COL1A1: variants seen among roughly 807,000 people sequenced by gnomAD.
COL1A1 encodes the protein collagen type I alpha 1 chain, also known as collagen alpha-1(I) chain.
A neutral mutation model predicts 195.7 loss-of-function variants in COL1A1; 21 were observed. The ratio of observed to expected loss-of-function variants is 0.11; its 90% confidence interval spans 0.08 to 0.15. COL1A1 has a LOEUF of 0.15. Among genes scored for constraint, COL1A1 ranks in the 10% least tolerant of loss-of-function variants. The probability of loss-of-function intolerance (pLI) is 1.00; values close to 1 mark genes in which losing one functional copy is unlikely to be tolerated. For synonymous variants in COL1A1, 749 were observed against 747.3 expected, an observed-to-expected ratio of 1.00 and a Z score of -0.04; for missense variants, 1,365 against 2,051.0, an observed-to-expected ratio of 0.67 and a Z score of 6.46.
In COL1A1 at chr17:50,188,096, G is replaced by T; in HGVS notation, c.3261C>A (p.Ala1087=). Residue 1087 remains alanine, a splice_region_variant and synonymous_variant, in exon 44 of 51, where the codon GCC becomes GCA. Coordinates refer to ENST00000225964, the MANE Select transcript of COL1A1 (RefSeq NM_000088.4). This position sits in a 1 kb window ranked among gnomAD's most constrained non-coding sequence, Gnocchi z 5.6. ...ATGGGGGACACAGCAGGGTACTTAC[G>T]GCGGGGCCACGGGCGCCAACAGGGC... The part of the protein sequence containing the change: ...PVGPVGARGP[A]GPQGPRGDKG... 6.2e-7 allele frequency: 1 copy of T among 1,602,760 alleles called. No homozygotes were observed. The highest frequency in any genetic ancestry group is 8.5e-7 in the Non-Finnish European group (1 of 1,173,874).
Position 50,198,475 on chromosome 17 carries a change from A to G in COL1A1, c.501T>C (p.Tyr167=), listed in dbSNP as rs946705319. ...AAATTCCTCCGGTTGATTTCTCATCATAGCCATAAGACAGCTGGGGAGCAA... is the reference window on the plus strand; with the variant it reads ...AAATTCCTCCGGTTGATTTCTCATCGTAGCCATAAGACAGCTGGGGAGCAA... ...GNFAPQLSYG[Y]DEKSTGGISV... The change falls in exon 6 of 51, where the codon TAT becomes TAC. Residue 167 remains tyrosine (Y), a synonymous_variant. Transcript: ENST00000225964. 1 of 1,613,514 alleles carries G rather than the reference A, an allele frequency of 6.2e-7. No homozygotes were observed. Among genetic ancestry groups the G allele is most frequent in the East Asian group, 2.2e-5 (1 of 44,892 alleles).
rs367793861 is a variant in COL1A1 at position 50,184,552 on chromosome 17, G to C, written c.*950C>G. On this transcript the variant is annotated 3_prime_UTR_variant, in exon 51 of 51. Coordinates refer to ENST00000225964, the MANE Select transcript of COL1A1 (RefSeq NM_000088.4). ...ACAAAAAGGAACATTTGCTGGCCTG[G>C]GGGGGCATCTCAATTTCTATAGCAC... 12 of 231,798 alleles carry C rather than the reference G, an allele frequency of 5.2e-5. No homozygotes were observed. The highest frequency in any genetic ancestry group is 9.4e-5 in the Non-Finnish European group (11 of 117,272). 14.4% of individuals were successfully genotyped at this position (231,798 alleles called of 1,614,324 possible).
At chr17:50,198,373 C>A in intron 6 of COL1A1, 60 bp downstream of exon 6, 10 of 1,584,830 alleles carry the variant, frequency 6.3e-6, no homozygotes, top group Non-Finnish European at 8.6e-6. Flanking sequence ...GCCGCCTATG[C>A]CCACCTCCTC....
intron 11 of COL1A1, 97 bp from the exon 12 acceptor site, chr17:50,196,767 A>G (rs1907630109): frequency 7.3e-7 from 1 of 1,367,014 alleles, no homozygotes; most frequent in African/African-American, 1.4e-5. Flanking sequence ...GGAGGTCATC[A>G]CCGCCATCCC....
At position 50,192,455 on chromosome 17, in the gene COL1A1, G is replaced by C; in HGVS notation, c.1983+20C>G. The C allele has an allele frequency of 6.3e-7, 1 of 1,592,080 alleles. No homozygotes were observed. The highest frequency in any genetic ancestry group is 8.6e-7 in the Non-Finnish European group (1 of 1,168,830). On this transcript the variant is annotated intron_variant, in intron 29 of 50. Coordinates refer to ENST00000225964, the MANE Select transcript of COL1A1 (RefSeq NM_000088.4). The stretch of plus-strand genomic sequence containing the variant: ...GATTCCCTGCATCTCCCACCCCTCT[G>C]GCCGGCTGCTCCCTCTTACCTGTTC...
Position 50,185,826 on chromosome 17 carries a change from G to T in COL1A1, c.4200C>A (p.Ala1400=). The T allele has an allele frequency of 6.2e-7, 1 of 1,614,074 alleles. No individual in the cohort carries two copies. Among genetic ancestry groups the T allele is most frequent in the East Asian group, 2.2e-5 (1 of 44,874 alleles). ...TGTAGGTGAAGCGGCTGTTGCCCTC[G>T]GCGCGGATCTCGATCTCGTTGGAGC... ...LQGSNEIEIR[A]EGNSRFTYSV... The change falls in exon 50 of 51, where the codon GCC becomes GCA. Residue 1400 remains alanine (A), a synonymous_variant. Transcript: ENST00000225964.
At chr17:50,198,846 G>A in intron 5 of COL1A1, 1 of 428,642 alleles carries the variant, frequency 2.3e-6, no homozygotes, top group East Asian at 4.8e-5. Context: ...GGTGGTGGGG[G>A]GTGGAATCTA....
Position 50,190,902 on chromosome 17 carries a change from G to A in COL1A1, c.2258C>T (p.Ala753Val). The change falls in exon 33 of 51, where the codon GCT (alanine) becomes GTT (valine). Residue 753 changes from alanine (A) to valine (V), a missense_variant. Ala to Val is a moderately conservative substitution (Grantham distance 64, BLOSUM62 0). This residue lies in a region of COL1A1 where 671 missense variants were observed against 1,099.9 expected (regional missense o/e 0.61). Coordinates refer to ENST00000225964, the MANE Select transcript of COL1A1 (RefSeq NM_000088.4). The surrounding 1 kb of genome is among the most constrained non-coding windows in gnomAD (Gnocchi z 4.7). Reference protein sequence around the residue: ...GDRGDAGPKGADGSPGKDGVR... With the variant: ...GDRGDAGPKGVDGSPGKDGVR... Reference sequence around the variant, plus strand: ...GCCATCTTTGCCAGGAGAGCCATCAGCACCTTTGGGACCAGCATCACCCTA... The same window carrying A: ...GCCATCTTTGCCAGGAGAGCCATCAACACCTTTGGGACCAGCATCACCCTA... The A allele has an allele frequency of 1.2e-6, 2 of 1,614,110 alleles. No individual in the cohort carries two copies. Among genetic ancestry groups the A allele is most frequent in the Non-Finnish European group, 1.7e-6 (2 of 1,179,982 alleles).
chr17:50,192,353 G>T, intron 29 of COL1A1, 122 bp downstream of exon 29: 8 of 1,167,272 alleles, frequency 6.9e-6, no homozygotes, highest in Non-Finnish European at 1.0e-5. Flanking sequence ...ATGGGAGGAA[G>T]TTCTTTCCGG....
chr17:50,201,525 A>C lies in COL1A1; in HGVS notation c.-12T>G. 6.2e-7 allele frequency: 1 copy of C among 1,606,404 alleles called. No homozygotes were observed. Among genetic ancestry groups the C allele is most frequent in the Non-Finnish European group, 8.5e-7 (1 of 1,177,456 alleles). ...ACAAAGCTGAACATGTCTAGACCCT[A>C]GACATGTAGACTCTTTGTGGCTGGG... On this transcript the variant is annotated 5_prime_UTR_variant, in exon 1 of 51. Transcript: ENST00000225964.
chr17:50,186,607 A>G lies in COL1A1; in HGVS notation c.3814+33T>C, dbSNP rs1172886350. 2 of 1,613,100 alleles carry G rather than the reference A, an allele frequency of 1.2e-6. No homozygotes were observed. The highest frequency in any genetic ancestry group is 1.7e-6 in the Non-Finnish European group (2 of 1,179,922). On this transcript the variant is annotated intron_variant, in intron 48 of 50. Coordinates refer to ENST00000225964, the MANE Select transcript of COL1A1 (RefSeq NM_000088.4). The surrounding 1 kb of genome is among the most constrained non-coding windows in gnomAD (Gnocchi z 5.3). The stretch of plus-strand genomic sequence containing the variant: ...ATGGGGACCCTGGCATGGCAGGAGT[A>G]GGAGGGAGGGAGAGGCTAGGGCAGG...
chr17:50,185,544 G>A lies in COL1A1; in HGVS notation c.4353C>T (p.Asp1451=). 1 of 1,613,814 alleles carries A rather than the reference G, an allele frequency of 6.2e-7. No homozygotes were observed. Among genetic ancestry groups the A allele is most frequent in the South Asian group, 1.1e-5 (1 of 91,044 alleles). The change falls in exon 51 of 51, where the codon GAC becomes GAT. Residue 1451 remains aspartate, a synonymous_variant. Transcript: ENST00000225964. ...GGCCAACGTCGAAGCCGAATTCCTGGTCTGGGGCACCAACGTCCAAGGGGG... is the reference window on the plus strand; with the variant it reads ...GGCCAACGTCGAAGCCGAATTCCTGATCTGGGGCACCAACGTCCAAGGGGG... The part of the protein sequence containing the change: ...DVAPLDVGAP[D]QEFGFDVGPV...
At chr17:50,196,415 T>C in intron 13 of COL1A1, 48 bp from the exon 14 acceptor site, 1 of 1,613,802 alleles carries the variant, frequency 6.2e-7, no homozygotes, top group Non-Finnish European at 8.5e-7. Context: ...GACAGCCTTG[T>C]TCCCCCAGGC....
intron 1 of COL1A1, among the ~76,000 whole-genome samples, chr17:50,201,051 T>C (rs1265926089): frequency 1.3e-5 from 2 of 152,236 alleles, no homozygotes; most frequent in Non-Finnish European, 2.9e-5. Context: ...ACGGCCTTCC[T>C]GATTGCTTCT....
chr17:50,192,787 G>A lies in COL1A1; in HGVS notation c.1875+10C>T, dbSNP rs376981523. On this transcript the variant is annotated intron_variant, in intron 27 of 50. Coordinates refer to ENST00000225964, the MANE Select transcript of COL1A1 (RefSeq NM_000088.4). ...TCTGCTCCCCAGATCTCCCCATCAG[G>A]GACACTCACAGCAGGGCCAGGGGGT... The A allele has an allele frequency of 6.2e-7, 1 of 1,613,898 alleles. No individual in the cohort carries two copies. Among genetic ancestry groups the A allele is most frequent in the African/African-American group, 1.3e-5 (1 of 74,874 alleles).
chr17:50,188,568 C>A lies in COL1A1; in HGVS notation c.3169G>T (p.Val1057Phe). The change falls in exon 43 of 51, where the codon GTT (valine) becomes TTT (phenylalanine). Residue 1057 changes from valine to phenylalanine, a missense_variant. Transcript: ENST00000225964. The surrounding 1 kb of genome is among the most constrained non-coding windows in gnomAD (Gnocchi z 5.6). ...APGAPGAPGP[V>F]GPAGKSGDRG... ...TCACCACTCTTGCCAGCAGGGCCAA[C>A]GGGGCCAGGGGCACCAGGAGCACCA... 1 of 1,613,944 alleles carries A rather than the reference C, an allele frequency of 6.2e-7. No homozygotes were observed. The highest frequency in any genetic ancestry group is 1.1e-5 in the South Asian group (1 of 91,084).
rs980893984 is a variant in COL1A1, at chr17:50,198,381, C to T, written c.543+52G>A. On this transcript the variant is annotated intron_variant, in intron 6 of 50. Coordinates refer to ENST00000225964, the MANE Select transcript of COL1A1 (RefSeq NM_000088.4). ...TATACCAGCCGCCTATGCCCACCTC[C>T]TCTGGATACCCATTCTCTCTTCTGT... The T allele has an allele frequency of 8.8e-6, 14 of 1,594,578 alleles. No homozygotes were observed. The African/African-American group carries it at 1.2e-4, about 14-fold the overall frequency.
chr17:50,192,533 A>C lies in COL1A1; in HGVS notation c.1930-5T>G. 1 of 1,614,006 alleles carries C rather than the reference A, an allele frequency of 6.2e-7. No homozygotes were observed. Among genetic ancestry groups the C allele is most frequent in the Non-Finnish European group, 8.5e-7 (1 of 1,179,960 alleles). ...ACCAGCAGGACCAGGGAGACCCTGT[A>C]GGTGGGAAATGGGGGAAGAAGGGAG... On this transcript the variant is annotated splice_polypyrimidine_tract_variant and splice_region_variant and intron_variant, in intron 28 of 50. Transcript: ENST00000225964.
At position 50,195,599 on chromosome 17, in the gene COL1A1, G is replaced by C. The variant is rs567855944; in HGVS notation, c.1123C>G (p.Pro375Ala). 1 of 1,613,862 alleles carries C rather than the reference G, an allele frequency of 6.2e-7. No individual in the cohort carries two copies. The highest frequency in any genetic ancestry group is 2.2e-5 in the East Asian group (1 of 44,852). Residue 375 changes from proline (P) to alanine (A), a missense_variant, in exon 17 of 51, where the codon CCC (proline) becomes GCC (alanine). Coordinates refer to ENST00000225964, the MANE Select transcript of COL1A1 (RefSeq NM_000088.4). This position sits in a 1 kb window ranked among gnomAD's most constrained non-coding sequence, Gnocchi z 4.3. ...GPQGVRGEPG[P>A]PGPAGAAGPA... ...CCAGCAGCACCAGCAGGGCCAGGGG[G>C]GCCAGGCTCACCACGCACACCCTGG...
Sources: allele counts gnomAD v4.1 joint callset (sites outside exome capture counted in the v4.1 genomes callset), GRCh38; gene constraint gnomAD v4.1.1; regional missense constraint gnomAD v4.1.1; non-coding constraint Gnocchi (gnomAD v3.1); transcripts MANE v1.5; gene names NCBI Gene and HGNC (gene_info 2026-07-23, HGNC 2026-07-21).